Variants in PRDM16 observed in about 807,000 individuals in gnomAD.
PRDM16 encodes the protein PR/SET domain 16.
A neutral mutation model predicts 110.6 loss-of-function variants in PRDM16; 23 were observed. That is an observed-to-expected ratio of 0.21 (90% CI 0.15 to 0.29). The LOEUF is 0.29. Among genes scored for constraint, PRDM16 ranks in the 10% least tolerant of loss-of-function variants. PRDM16 has a pLI of 1.00. For synonymous variants in PRDM16, 799 were observed against 781.8 expected (o/e 1.02, Z -0.37); for missense variants, 1,615 against 1,794.3 (o/e 0.90, Z 1.81).
chr1:3,094,765 T>C (rs2981873), intron 1 of PRDM16, among the ~76,000 whole-genome samples: 83,121 of 152,196 alleles, frequency 0.55, 24,715 homozygotes, highest in African/African-American at 0.8. Context: ...GAGCAAGGCC[T>C]TCGGGTGCTT....
At chr1:3,114,499 C>G (rs1431295115) in intron 1 of PRDM16, among the ~76,000 whole-genome samples, 1 of 150,138 alleles carries the variant, frequency 6.7e-6, no homozygotes, top group Non-Finnish European at 1.5e-5. Context: ...CACGCACACA[C>G]GCGCATGCAC....
In PRDM16 at chr1:3,143,382, G is replaced by A. The variant is rs1169390719; in HGVS notation, c.38-42743G>A. Among the ~76,000 whole-genome samples the A allele has an allele frequency of 6.6e-6, 1 of 152,192 alleles. No individual in the cohort carries two copies. The highest frequency in any genetic ancestry group is 1.5e-5 in the Non-Finnish European group (1 of 68,030). On this transcript the variant is annotated intron_variant, in intron 1 of 16. Coordinates refer to ENST00000270722, the MANE Select transcript of PRDM16 (RefSeq NM_022114.4). The surrounding 1 kb of genome is among the most constrained non-coding windows in gnomAD (Gnocchi z 4.5). ...CCAGCCCCTCGCCCCAGTCCCAGCA[G>A]GTGGCCTCCCCAACTTGAGCTGGGT...
chr1:3,219,125 G>C (rs1557537357), intron 2 of PRDM16, among the ~76,000 whole-genome samples: 1 of 152,230 alleles, frequency 6.6e-6, no homozygotes, highest in Admixed American at 6.5e-5. Flanking sequence ...AGTACCTCAG[G>C]ATGCATTTTC....
At chr1:3,085,670 A>G (rs1426434684) in intron 1 of PRDM16, among the ~76,000 whole-genome samples, 2 of 152,242 alleles carry the variant, frequency 1.3e-5, no homozygotes, top group African/African-American at 4.8e-5. Flanking sequence ...TAGGACGCCC[A>G]GCATCCTGCC....
At chr1:3,122,042 A>T (rs1643106338) in intron 1 of PRDM16, among the ~76,000 whole-genome samples, 2 of 152,130 alleles carry the variant, frequency 1.3e-5, no homozygotes, top group South Asian at 4.1e-4. Context: ...CGGAGTATGG[A>T]TCTGATTAGG....
In PRDM16 at chr1:3,437,209, A is replaced by C. The variant is rs1177820848; in HGVS notation, c.*3398A>C. 3 of 231,916 alleles carry C rather than the reference A, an allele frequency of 1.3e-5. No individual in the cohort carries two copies. Among genetic ancestry groups the C allele is most frequent in the Non-Finnish European group, 2.6e-5 (3 of 117,440 alleles). 14.4% of individuals were successfully genotyped at this position (231,916 alleles called of 1,614,324 possible). On this transcript the variant is annotated 3_prime_UTR_variant, in exon 17 of 17. Coordinates refer to ENST00000270722, the MANE Select transcript of PRDM16 (RefSeq NM_022114.4). ...CCCAGCTGGAGAGGCCTTCCTTTAC[A>C]AGGCCACGCGTGCAGCTGTCCCATC...
At chr1:3,346,696 G>A (rs144022593) in intron 3 of PRDM16, among the ~76,000 whole-genome samples, 6,152 of 152,158 alleles carry the variant, frequency 0.04, 197 homozygotes, top group Middle Eastern at 0.068. Context: ...TTCTCACCCC[G>A]GCTGCACCCA....
chr1:3,309,952 AG>A (rs1557597475), intron 3 of PRDM16: 1 of 152,260 alleles, frequency 6.6e-6, no homozygotes, highest in East Asian at 1.9e-4. Context: ...AGGTTCACAC[AG>A]GGGCCAGGCA....
intron 2 of PRDM16, among the ~76,000 whole-genome samples, chr1:3,224,021 T>C (rs568688062): frequency 2.6e-5 from 4 of 152,238 alleles, no homozygotes; most frequent in African/African-American, 7.2e-5. Context: ...CGATCAGGGA[T>C]TTCTCTTCCA....
chr1:3,303,654 G>A (rs1043787302), intron 3 of PRDM16, among the ~76,000 whole-genome samples: 13 of 152,306 alleles, frequency 8.5e-5, no homozygotes, highest in African/African-American at 2.4e-4. Context: ...TCTCCATGGC[G>A]GCTGCACCGG....
At chr1:3,271,031 T>C (rs1640440830) in intron 3 of PRDM16, among the ~76,000 whole-genome samples, 1 of 152,068 alleles carries the variant, frequency 6.6e-6, no homozygotes, top group Non-Finnish European at 1.5e-5. Flanking sequence ...CAGACCTTGG[T>C]GTCTGCCACG....
At chr1:3,100,211 C>T (rs553445185) in intron 1 of PRDM16, among the ~76,000 whole-genome samples, 9 of 152,284 alleles carry the variant, frequency 5.9e-5, no homozygotes, top group Middle Eastern at 3.4e-3. Flanking sequence ...GCCCCCTGCC[C>T]GCTCTGTGAC....
rs527767192 is a variant in PRDM16 at position 3,135,440 on chromosome 1, G to A, written c.38-50685G>A. ...TTATCTGAGTTAAACAATGAGCTCC[G>A]GGCGTCCTGGGAAGGGGTTTCACAG... On this transcript the variant is annotated intron_variant, in intron 1 of 16. Coordinates refer to ENST00000270722, the MANE Select transcript of PRDM16 (RefSeq NM_022114.4). Among the ~76,000 whole-genome samples, 5 of 152,330 alleles carry A rather than the reference G, an allele frequency of 3.3e-5. No homozygotes were observed. In the East Asian group the frequency reaches 9.7e-4, roughly 29 times the overall value.
In PRDM16 at chr1:3,097,859, C is replaced by T. The variant is rs189744820; in HGVS notation, c.37+28563C>T. The stretch of plus-strand genomic sequence containing the variant: ...AGGGATGGGAGGCAGGTGCAGCAGA[C>T]GCCCCTCGAGCTGGAGGAGGCACAG... On this transcript the variant is annotated intron_variant, in intron 1 of 16. Transcript: ENST00000270722. Among the ~76,000 whole-genome samples, 24 of 152,276 alleles carry T rather than the reference C, an allele frequency of 1.6e-4. No individual in the cohort carries two copies. In the East Asian group the frequency reaches 3.1e-3, roughly 20 times the overall value.
At chr1:3,326,104 G>A (rs556071305) in intron 3 of PRDM16, among the ~76,000 whole-genome samples, 1 of 132,934 alleles carries the variant, frequency 7.5e-6, no homozygotes, top group Non-Finnish European at 1.6e-5. Flanking sequence ...GGCCATCCTC[G>A]ACCATCCTTG....
At chr1:3,159,698 G>A (rs1043297941) in intron 1 of PRDM16, among the ~76,000 whole-genome samples, 6 of 152,164 alleles carry the variant, frequency 3.9e-5, no homozygotes, top group African/African-American at 1.4e-4. Context: ...AAGTTGAGTT[G>A]GAGTCCAGGT....
intron 1 of PRDM16, 74 bp from the exon 2 acceptor site, chr1:3,186,051 C>T (rs1248450638): frequency 1.5e-6 from 2 of 1,312,406 alleles, no homozygotes; most frequent in Admixed American, 1.7e-5. Context: ...TGCCCGAGTC[C>T]CCGGCGCTCC....
At chr1:3,072,848 C>T (rs1226173130) in intron 1 of PRDM16, among the ~76,000 whole-genome samples, 1 of 152,378 alleles carries the variant, frequency 6.6e-6, no homozygotes, top group East Asian at 1.9e-4. Flanking sequence ...GGGCTTGGTG[C>T]CCCACGGCAG....
chr1:3,341,061 G>GC (rs1389694325), intron 3 of PRDM16, among the ~76,000 whole-genome samples: 2 of 130,806 alleles, frequency 1.5e-5, no homozygotes, highest in Admixed American at 7.7e-5. Flanking sequence ...CCAAGTTGCT[G>GC]CCCCCTGAGC....
Sources: allele counts gnomAD v4.1 joint callset (sites outside exome capture counted in the v4.1 genomes callset), GRCh38; gene constraint gnomAD v4.1.1; non-coding constraint Gnocchi (gnomAD v3.1); transcripts MANE v1.5; gene names NCBI Gene and HGNC (gene_info 2026-07-23, HGNC 2026-07-21).